PRKG2: variants seen among roughly 807,000 people sequenced by gnomAD.
The protein encoded by PRKG2 is protein kinase cGMP-dependent 2, also known as cGMP-dependent protein kinase 2.
A neutral mutation model predicts 97.2 loss-of-function variants in PRKG2; 33 were observed. The ratio of observed to expected loss-of-function variants is 0.34; its 90% CI spans 0.26 to 0.45. The LOEUF is 0.45. Ranked by LOEUF, PRKG2 falls within the 20% of genes least tolerant of loss-of-function variation. PRKG2 has a pLI of 1.00. For missense variants in PRKG2, 638 were observed against 900.0 expected (o/e 0.71, Z 3.73); for synonymous variants, 330 against 321.8 (o/e 1.03, Z -0.27).
At chr4:81,122,704 C>T (rs1745181129) in intron 14 of PRKG2, among the ~76,000 whole-genome samples, 2 of 152,044 alleles carry the variant, frequency 1.3e-5, no homozygotes, top group Non-Finnish European at 2.9e-5. Context: ...GGTATCTGAC[C>T]CCTCATAGAT....
At chr4:81,127,239 G>C (rs1745686529) in intron 14 of PRKG2, among the ~76,000 whole-genome samples, 2 of 152,016 alleles carry the variant, frequency 1.3e-5, no homozygotes, top group Admixed American at 1.3e-4. Context: ...TCTGTTTTGG[G>C]ACCAGTACCA....
At chr4:81,176,660 G>T (rs1003745435) in intron 2 of PRKG2, among the ~76,000 whole-genome samples, 1 of 152,108 alleles carries the variant, frequency 6.6e-6, no homozygotes, top group African/African-American at 2.4e-5. Flanking sequence ...ATAAGCAAAA[G>T]TGTGCTAAGT....
intron 14 of PRKG2, among the ~76,000 whole-genome samples, chr4:81,128,727 T>C (rs1056635761): frequency 6.6e-6 from 1 of 152,182 alleles, no homozygotes; most frequent in Non-Finnish European, 1.5e-5. Flanking sequence ...CTTTTCTTCT[T>C]TATTAGTCTG....
chr4:81,181,847 T>C (rs951102511), intron 2 of PRKG2, among the ~76,000 whole-genome samples: 6 of 151,924 alleles, frequency 3.9e-5, no homozygotes, highest in African/African-American at 1.2e-4. Context: ...TCATTTAAAA[T>C]AGTTTCAAAA....
At chr4:81,189,601 G>A (rs1752286353) in intron 2 of PRKG2, among the ~76,000 whole-genome samples, 1 of 149,854 alleles carries the variant, frequency 6.7e-6, no homozygotes, top group Non-Finnish European at 1.5e-5. Context: ...TCACACTCTG[G>A]GGACTGTTGT....
At chr4:81,111,248 G>A (rs1387092576) in intron 14 of PRKG2, among the ~76,000 whole-genome samples, 1 of 152,090 alleles carries the variant, frequency 6.6e-6, no homozygotes, top group African/African-American at 2.4e-5. Flanking sequence ...TGTCTCTCAG[G>A]AAGGTGAGTG....
chr4:81,146,274 C>T (rs1271389186), intron 9 of PRKG2, among the ~76,000 whole-genome samples: 2 of 152,148 alleles, frequency 1.3e-5, no homozygotes, highest in African/African-American at 4.8e-5. Flanking sequence ...TCTCCACTAA[C>T]TAATCCTAAA....
chr4:81,147,500 T>C (rs1386303363), intron 9 of PRKG2, among the ~76,000 whole-genome samples: 1 of 152,190 alleles, frequency 6.6e-6, no homozygotes, highest in Non-Finnish European at 1.5e-5. Context: ...CTAGGGTGAC[T>C]TTGACATTTC....
chr4:81,150,623 C>T (rs922250378), intron 8 of PRKG2, among the ~76,000 whole-genome samples: 1 of 152,078 alleles, frequency 6.6e-6, no homozygotes, highest in African/African-American at 2.4e-5. Flanking sequence ...TGGCTAGCCA[C>T]AACATATAGC....
intron 6 of PRKG2, among the ~76,000 whole-genome samples, chr4:81,155,803 C>T (rs1369984470): frequency 6.6e-6 from 1 of 151,872 alleles, no homozygotes; most frequent in Non-Finnish European, 1.5e-5. Flanking sequence ...GAATTTTCAA[C>T]CCAGAATTTC....
intron 2 of PRKG2, among the ~76,000 whole-genome samples, chr4:81,190,806 T>C (rs915035086): frequency 6.6e-6 from 1 of 152,152 alleles, no homozygotes; most frequent in Non-Finnish European, 1.5e-5. Flanking sequence ...AAAGAAGACA[T>C]TTATGCAGCC....
chr4:81,094,019 G>A (rs937233922), intron 17 of PRKG2, among the ~76,000 whole-genome samples: 15 of 152,238 alleles, frequency 9.9e-5, no homozygotes, highest in Middle Eastern at 3.4e-3. Context: ...CTTGATGCAG[G>A]GTTATCACAA....
intron 2 of PRKG2, among the ~76,000 whole-genome samples, chr4:81,183,961 A>G (rs138170916): frequency 0.014 from 2,107 of 152,282 alleles, 49 homozygotes; most frequent in African/African-American, 0.048. Flanking sequence ...CTCTCTGGGC[A>G]GAGCATCTCT....
At chr4:81,205,166 C>T in intron 1 of PRKG2, 106 bp from the exon 2 acceptor site, 1 of 665,688 alleles carries the variant, frequency 1.5e-6, no homozygotes, top group Non-Finnish European at 2.4e-6. Flanking sequence ...ACACAGTAAT[C>T]TTCATTGTTT....
chr4:81,184,894 G>A (rs2110101931), intron 2 of PRKG2, among the ~76,000 whole-genome samples: 1 of 152,238 alleles, frequency 6.6e-6, no homozygotes, highest in South Asian at 2.1e-4. Context: ...GGATATCAGA[G>A]ATTGAAGATC....
intron 14 of PRKG2, among the ~76,000 whole-genome samples, chr4:81,113,883 T>C (rs550445184): frequency 2.4e-4 from 37 of 152,256 alleles, no homozygotes; most frequent in Non-Finnish European, 5.0e-4. Context: ...CTAACGTCCA[T>C]CCACTAAAAG....
intron 3 of PRKG2, among the ~76,000 whole-genome samples, chr4:81,173,184 T>G (rs567695393): frequency 1.4e-4 from 22 of 152,268 alleles, no homozygotes; most frequent in African/African-American, 5.3e-4. Context: ...AAAGGGAATA[T>G]TTTTAATTAT....
At chr4:81,184,598 G>A (rs10006560) in intron 2 of PRKG2, among the ~76,000 whole-genome samples, 34,697 of 152,042 alleles carry the variant, frequency 0.23, 7,856 homozygotes, top group African/African-American at 0.58. Context: ...AAGGACCACA[G>A]CTCCTCACCA....
chr4:81,146,409 T>C (rs570345622), intron 9 of PRKG2, among the ~76,000 whole-genome samples: 21 of 152,232 alleles, frequency 1.4e-4, no homozygotes, highest in African/African-American at 4.8e-4. Context: ...CAGTCAGTGA[T>C]AGAGATGTGA....
Sources: allele counts gnomAD v4.1 joint callset (sites outside exome capture counted in the v4.1 genomes callset), GRCh38; gene constraint gnomAD v4.1.1; transcripts MANE v1.5; gene names NCBI Gene and HGNC (gene_info 2026-07-23, HGNC 2026-07-21).